Variants in SPTBN5 observed in about 807,000 individuals in gnomAD.
SPTBN5 encodes the protein spectrin beta chain, non-erythrocytic 5.
Under a neutral mutation model 477.6 loss-of-function variants are expected in SPTBN5, and 513 were observed. The observed-to-expected ratio is 1.07, with a 90% CI of 1.00 to 1.16. SPTBN5 has a LOEUF of 1.16. Ranked by LOEUF, SPTBN5 falls within the 50% of genes most tolerant of loss-of-function variation. SPTBN5 has a pLI of 0.00. For missense variants in SPTBN5, 5,062 were observed against 4,731.8 expected, an observed-to-expected ratio of 1.07 and a Z score of -2.05; for synonymous variants, 2,169 against 2,011.7, an observed-to-expected ratio of 1.08 and a Z score of -2.09.
rs1292362044 is a variant in SPTBN5, at chr15:41,886,331, C to T, written c.924G>A (p.Gln308=). The T allele has an allele frequency of 2.5e-6, 4 of 1,610,590 alleles. No individual in the cohort carries two copies. In the African/African-American group the frequency reaches 4.0e-5, roughly 16 times the overall value. The change falls in exon 7 of 68, where the codon CAG becomes CAA. Residue 308 remains glutamine (Q), a synonymous_variant. Coordinates refer to ENST00000320955, the MANE Select transcript of SPTBN5 (RefSeq NM_016642.4). ...LLQLQETELL[Q]TQYEQLVADL... ...CAGCCACCAGCTGCTCGTACTGGGTCTGCAGCAGCTCTGTCTCCTGGAGCT... is the reference window on the plus strand; with the variant it reads ...CAGCCACCAGCTGCTCGTACTGGGTTTGCAGCAGCTCTGTCTCCTGGAGCT...
In SPTBN5 at chr15:41,892,874, C is replaced by T. The variant is rs2067355056; in HGVS notation, c.384+20G>A. 2 of 1,581,236 alleles carry T rather than the reference C, an allele frequency of 1.3e-6. No homozygotes were observed. Among genetic ancestry groups the T allele is most frequent in the Non-Finnish European group, 1.7e-6 (2 of 1,168,772 alleles). On this transcript the variant is annotated intron_variant, in intron 3 of 67. Transcript: ENST00000320955. The stretch of plus-strand genomic sequence containing the variant: ...CTGCCTGCCCCAGCACCATCCCAGA[C>T]CCCTTTCCCTGGGGCCCACCTTGGC...
intron 4 of SPTBN5, among the ~76,000 whole-genome samples, chr15:41,888,472 G>T (rs1277086396): frequency 6.6e-6 from 1 of 152,206 alleles, no homozygotes; most frequent in Admixed American, 6.5e-5. Context: ...TCCCGTCACT[G>T]CAGGCTTTCT....
In SPTBN5 at chr15:41,853,336, CCT is replaced by C; in HGVS notation, c.10090_10091del (p.Arg3364GlyfsTer69). 1.2e-6 allele frequency: 2 copies of C among 1,612,852 alleles called. No individual in the cohort carries two copies. Among genetic ancestry groups the C allele is most frequent in the Non-Finnish European group, 1.7e-6 (2 of 1,179,590 alleles). On this transcript the variant is annotated frameshift_variant, in exon 59 of 68. Coordinates refer to ENST00000320955, the MANE Select transcript of SPTBN5 (RefSeq NM_016642.4). LOFTEE classifies it high-confidence loss of function. ...GQHEELGQEI[R>X]ECRLQAQDLR... ...GGTCCTGGGCTTGAAGGCGGCACTC[CCT>C]GATTTCTTGCCCCAGCTCTTCATGC...
intron 5 of SPTBN5, 65 bp from the exon 6 acceptor site, chr15:41,887,506 T>C: frequency 8.0e-7 from 1 of 1,254,642 alleles, no homozygotes; most frequent in African/African-American, 1.5e-5. Context: ...AAGTAGATTC[T>C]TAAATGCACT....
chr15:41,876,076 A>T, intron 21 of SPTBN5, 38 bp downstream of exon 21: 2 of 1,570,948 alleles, frequency 1.3e-6, no homozygotes, highest in Non-Finnish European at 1.7e-6. Context: ...GAATTTGAAG[A>T]CAAGGAGGCT....
At chr15:41,861,563 T>C (rs1006512885) in intron 45 of SPTBN5, 67 bp from the exon 46 acceptor site, 6 of 1,562,876 alleles carry the variant, frequency 3.8e-6, no homozygotes, top group Non-Finnish European at 5.3e-6. Context: ...GGAGTGACTG[T>C]TCCAGTGGCA....
In SPTBN5 at chr15:41,879,340, G is replaced by T; in HGVS notation, c.3102C>A (p.Thr1034=). 1 of 1,609,726 alleles carries T rather than the reference G, an allele frequency of 6.2e-7. No individual in the cohort carries two copies. Among genetic ancestry groups the T allele is most frequent in the South Asian group, 1.1e-5 (1 of 91,072 alleles). The change falls in exon 16 of 68, where the codon ACC becomes ACA. Residue 1034 remains threonine (T), a synonymous_variant. Coordinates refer to ENST00000320955, the MANE Select transcript of SPTBN5 (RefSeq NM_016642.4). ...EALQPGSSED[T]CHALQLAQKK... is the part of the protein sequence containing the mutation. The stretch of plus-strand genomic sequence containing the variant: ...TCTGGGCCAGCTGCAGGGCGTGGCA[G>T]GTGTCCTCTGAGCTCCCTGGCTGCA...
chr15:41,852,899 C>T lies in SPTBN5; in HGVS notation c.10272G>A (p.Lys3424=), dbSNP rs761754461. The T allele has an allele frequency of 2.5e-6, 4 of 1,607,504 alleles. No homozygotes were observed. Among genetic ancestry groups the T allele is most frequent in the African/African-American group, 2.7e-5 (2 of 74,984 alleles). ...CAGCCTGCTCCAGCCTCTGCCGAAG[C>T]TTCTGCAGGCCCCAGCTCTCGGCAC... ...QRCAESWGLQ[K]LRQRLEQAEA... The change falls in exon 60 of 68, where the codon AAG becomes AAA. Residue 3424 remains lysine (K), a synonymous_variant. Coordinates refer to ENST00000320955, the MANE Select transcript of SPTBN5 (RefSeq NM_016642.4).
chr15:41,854,481 G>A (rs2065874297), intron 56 of SPTBN5, among the ~76,000 whole-genome samples: 1 of 152,114 alleles, frequency 6.6e-6, no homozygotes, highest in South Asian at 2.1e-4. Context: ...CCACGTGAGG[G>A]AGCAGGCCGG....
rs746717179 is a variant in SPTBN5 at position 41,892,957 on chromosome 15, C to T, written c.321G>A (p.Arg107=). 68 of 1,609,114 alleles carry T rather than the reference C, an allele frequency of 4.2e-5. No individual in the cohort carries two copies. Among genetic ancestry groups the T allele is most frequent in the Non-Finnish European group, 5.7e-5 (67 of 1,179,752 alleles). The stretch of plus-strand genomic sequence containing the variant: ...CCAGGAAGTGCACACGCAGGCGGCC[C>T]CGGCTCGGGGGTGGCAGGGCCTCCC... ...ISGEALPPPS[R]GRLRVHFLEN... Residue 107 remains arginine, a synonymous_variant, in exon 3 of 68, where the codon CGG becomes CGA. Transcript: ENST00000320955.
At chr15:41,867,423 C>A in intron 35 of SPTBN5, 115 bp downstream of exon 35, 1 of 1,043,360 alleles carries the variant, frequency 9.6e-7, no homozygotes, top group Non-Finnish European at 1.5e-6. Context: ...GGACCCCAGC[C>A]TTGCAGGCTC....
chr15:41,889,424 T>C (rs1423704850), intron 4 of SPTBN5, among the ~76,000 whole-genome samples: 7 of 151,970 alleles, frequency 4.6e-5, no homozygotes, highest in Non-Finnish European at 8.8e-5. Flanking sequence ...AAGGACTCTT[T>C]CTTTTTTTTT....
intron 66 of SPTBN5, chr15:41,850,542 G>A: frequency 2.5e-6 from 1 of 397,462 alleles, no homozygotes. Context: ...GAGGAACACA[G>A]TCCATGAGGA....
chr15:41,882,278 C>G lies in SPTBN5; in HGVS notation c.2238G>C (p.Leu746=), dbSNP rs2066989665. ...GRGARLQTAL[L]VLQYFADAAE... Reference sequence around the variant, plus strand: ...CACCCCTCCCCACTACCTGCAGGACCAGCAGGGCTGTCTGCAGCCGTGCGC... The same window carrying G: ...CACCCCTCCCCACTACCTGCAGGACGAGCAGGGCTGTCTGCAGCCGTGCGC... The change falls in exon 11 of 68, where the codon CTG becomes CTC. Residue 746 remains leucine (L), a synonymous_variant. Transcript: ENST00000320955. The G allele has an allele frequency of 6.7e-7, 1 of 1,503,072 alleles. No homozygotes were observed. Among genetic ancestry groups the G allele is most frequent in the Non-Finnish European group, 8.9e-7 (1 of 1,127,702 alleles). 93.1% of individuals were successfully genotyped at this position (1,503,072 alleles called of 1,614,324 possible).
At position 41,851,287 on chromosome 15, in the gene SPTBN5, G is replaced by A. The variant is rs550881935; in HGVS notation, c.10739C>T (p.Ala3580Val). The A allele has an allele frequency of 7.5e-5, 116 of 1,551,166 alleles. No individual in the cohort carries two copies. The highest frequency in any genetic ancestry group is 3.1e-4 in the African/African-American group (23 of 73,114). ...LSLFLDERMA[A>V]EKVASIALLD... ...CTCCCCTACCCCGCCTGGTACCTCC[G>A]CTGCCATCCTCTCATCCAGGAACAG... is the stretch of plus-strand genomic sequence containing the variant. Residue 3580 changes from alanine (A) to valine (V), a missense_variant, in exon 64 of 68, where the codon GCG (alanine) becomes GTG (valine). Ala to Val is a moderately conservative substitution (Grantham distance 64, BLOSUM62 0). Coordinates refer to ENST00000320955, the MANE Select transcript of SPTBN5 (RefSeq NM_016642.4).
intron 41 of SPTBN5, among the ~76,000 whole-genome samples, chr15:41,863,170 C>A (rs1020127675): frequency 6.6e-6 from 1 of 152,182 alleles, no homozygotes; most frequent in Non-Finnish European, 1.5e-5. Context: ...CCTTGAGGAG[C>A]GAGAAAGGAA....
intron 21 of SPTBN5, 136 bp downstream of exon 21, chr15:41,875,978 G>T (rs754008565): frequency 1.3e-4 from 142 of 1,096,874 alleles, no homozygotes; most frequent in Middle Eastern, 3.1e-4. Context: ...CATCAAGGAG[G>T]CTTGCAGGGG....
rs1442008489 is a variant in SPTBN5 at position 41,857,232 on chromosome 15, A to G, written c.8621+6T>C. 6.3e-7 allele frequency: 1 copy of G among 1,582,596 alleles called. No individual in the cohort carries two copies. Among genetic ancestry groups the G allele is most frequent in the Admixed American group, 1.8e-5 (1 of 56,904 alleles). On this transcript the variant is annotated splice_donor_region_variant and intron_variant, in intron 51 of 67. Transcript: ENST00000320955. The stretch of plus-strand genomic sequence containing the variant: ...GAAGAGAAGCTGAGGGCACGGGTGG[A>G]TCTACCTCTGAAGCAGCCGCCGGGC...
chr15:41,854,116 C>A lies in SPTBN5; in HGVS notation c.9708G>T (p.Lys3236Asn), dbSNP rs1317008488. The change falls in exon 57 of 68, where the codon AAG becomes AAT. Residue 3236 changes from lysine (K) to asparagine (N), a missense_variant. Coordinates refer to ENST00000320955, the MANE Select transcript of SPTBN5 (RefSeq NM_016642.4). Reference sequence around the variant, plus strand: ...ACAGGCTGTGGCCTCCGTCCTCCCCCTTCATCAGGGCCGTCTTCTCCTGCA... The same window carrying A: ...ACAGGCTGTGGCCTCCGTCCTCCCCATTCATCAGGGCCGTCTTCTCCTGCA... ...GRMQEKTALM[K>N]GEDGGHSLSS... 1 of 1,588,822 alleles carries A rather than the reference C, an allele frequency of 6.3e-7. No individual in the cohort carries two copies. The highest frequency in any genetic ancestry group is 1.8e-5 in the Admixed American group (1 of 57,002).
Sources: gnomAD v4.1 joint callset for allele counts (sites outside exome capture counted in the v4.1 genomes callset) on GRCh38, gnomAD v4.1.1 for gene constraint, MANE v1.5 for transcripts, NCBI Gene and HGNC (gene_info 2026-07-23, HGNC 2026-07-21) for gene names.